DPH6: variants seen among roughly 807,000 people sequenced by gnomAD.
DPH6 encodes diphthamine biosynthesis 6.
A neutral mutation model predicts 38.2 loss-of-function variants in DPH6; 33 were observed. That is an observed-to-expected ratio of 0.86 (90% confidence interval 0.65 to 1.15). The LOEUF (loss-of-function observed/expected upper bound fraction) is 1.15. Ranked by LOEUF, DPH6 falls within the 50% of genes most tolerant of loss-of-function variation. DPH6 has a pLI of 0.00. For synonymous variants in DPH6, 108 were observed against 103.0 expected, an observed-to-expected ratio of 1.05 and a Z score of -0.30; for missense variants, 325 against 320.0, an observed-to-expected ratio of 1.02 and a Z score of -0.12.
downstream of DPH6, among the ~76,000 whole-genome samples, chr15:35,327,689 T>C (rs118167863): frequency 3.9e-5 from 6 of 152,296 alleles, no homozygotes; most frequent in East Asian, 7.7e-4. Context: ...CGTGTTCCAG[T>C]CCCATCTTTG....
intron 3 of DPH6, among the ~76,000 whole-genome samples, chr15:35,524,847 C>T (rs905151793): frequency 6.6e-6 from 1 of 152,024 alleles, no homozygotes; most frequent in Non-Finnish European, 1.5e-5. Context: ...TGATTTACAG[C>T]GTTCATGCAA....
intron 6 of DPH6, among the ~76,000 whole-genome samples, chr15:35,387,652 T>C (rs1440202278): frequency 2.0e-5 from 3 of 152,184 alleles, no homozygotes; most frequent in Non-Finnish European, 4.4e-5. Context: ...TTGTCTGTTA[T>C]TGGTGTATAA....
downstream of DPH6, among the ~76,000 whole-genome samples, chr15:35,367,580 T>C (rs762114427): frequency 1.3e-5 from 2 of 151,854 alleles, no homozygotes; most frequent in Non-Finnish European, 2.9e-5. Flanking sequence ...CCAAAGAAAT[T>C]TTAATATATT....
At chr15:35,262,738 A>G (rs1178793220) in intron 3 of DPH6, among the ~76,000 whole-genome samples, 1 of 137,878 alleles carries the variant, frequency 7.3e-6, no homozygotes, top group Non-Finnish European at 1.5e-5. Flanking sequence ...AAAAAAAAAG[A>G]TATCTTAATG....
rs189496638 is a variant in DPH6 at position 35,494,846 on chromosome 15, A to G, written c.313-40026T>C. ...CAATAAATGAGTTACCTCAATTTGGAAAAAGGGTTTATAAAAAGCCTACAG... is the reference window on the plus strand; with the variant it reads ...CAATAAATGAGTTACCTCAATTTGGGAAAAGGGTTTATAAAAAGCCTACAG... On this transcript the variant is annotated intron_variant, in intron 3 of 8. Coordinates refer to ENST00000256538, the MANE Select transcript of DPH6 (RefSeq NM_080650.4). Among the ~76,000 whole-genome samples, 33 of 152,186 alleles carry G rather than the reference A, an allele frequency of 2.2e-4. 1 individual carries two copies. The East Asian group carries it at 6.4e-3, about 29-fold the overall frequency.
chr15:35,167,550 C>A, the DPH6 span, among the ~76,000 whole-genome samples: 7 of 129,526 alleles, frequency 5.4e-5, no homozygotes, highest in Admixed American at 1.8e-4. Flanking sequence ...CTGTTCCATA[C>A]AGAGATTTTA....
chr15:35,163,285 T>G, the DPH6 span, among the ~76,000 whole-genome samples: 1 of 151,862 alleles, frequency 6.6e-6, no homozygotes, highest in African/African-American at 2.4e-5. Flanking sequence ...GCCATTTATC[T>G]TTCCCCCTCC....
intron 3 of DPH6, among the ~76,000 whole-genome samples, chr15:35,465,032 T>A (rs1223431703): frequency 1.3e-5 from 2 of 152,208 alleles, no homozygotes; most frequent in Non-Finnish European, 2.9e-5. Context: ...AATTAGACTG[T>A]TGACTCAATA....
intron 3 of DPH6, among the ~76,000 whole-genome samples, chr15:35,336,090 C>A (rs1475350722): frequency 6.6e-6 from 1 of 152,112 alleles, no homozygotes; most frequent in Non-Finnish European, 1.5e-5. Flanking sequence ...AGAGATTCTT[C>A]ACTTCCCTTG....
At chr15:35,344,720 T>C (rs2140882803) in intron 3 of DPH6, among the ~76,000 whole-genome samples, 3 of 152,058 alleles carry the variant, frequency 2.0e-5, no homozygotes, top group Middle Eastern at 6.8e-3. Context: ...ATACTCTGTC[T>C]AACTGAATAA....
At chr15:35,281,707 A>G (rs2051900604) in intron 3 of DPH6, among the ~76,000 whole-genome samples, 1 of 152,210 alleles carries the variant, frequency 6.6e-6, no homozygotes, top group South Asian at 2.1e-4. Flanking sequence ...TTCATTCCTA[A>G]AATATTTATT....
chr15:35,520,801 C>G (rs915721216), intron 3 of DPH6: 2 of 984,588 alleles, frequency 2.0e-6, no homozygotes, highest in African/African-American at 3.5e-5. Context: ...ATCATACCAC[C>G]ATATCACATA....
intron 3 of DPH6, among the ~76,000 whole-genome samples, chr15:35,513,165 C>T (rs1190363467): frequency 6.6e-6 from 1 of 152,010 alleles, no homozygotes; most frequent in Non-Finnish European, 1.5e-5. Flanking sequence ...AATATATGTG[C>T]ATGTATAAAA....
chr15:35,320,720 C>A (rs964020301), intron 3 of DPH6, among the ~76,000 whole-genome samples: 2 of 152,138 alleles, frequency 1.3e-5, no homozygotes, highest in Non-Finnish European at 2.9e-5. Flanking sequence ...TGGCCATCCA[C>A]CTTATCCTAT....
chr15:35,446,641 G>A (rs1269628318), intron 5 of DPH6, among the ~76,000 whole-genome samples: 1 of 152,136 alleles, frequency 6.6e-6, no homozygotes, highest in African/African-American at 2.4e-5. Flanking sequence ...TTTTGGTAAG[G>A]CTTCTGGTCA....
At chr15:35,210,355 G>T in the DPH6 span, among the ~76,000 whole-genome samples, 1 of 152,094 alleles carries the variant, frequency 6.6e-6, no homozygotes, top group African/African-American at 2.4e-5. Context: ...CCAGAGCAGG[G>T]AATCAAGAAA....
At chr15:35,160,076 G>T in the DPH6 span, among the ~76,000 whole-genome samples, 1 of 151,988 alleles carries the variant, frequency 6.6e-6, no homozygotes, top group East Asian at 1.9e-4. Context: ...GGATTGAAAA[G>T]CTACCTATCG....
chr15:35,282,596 A>G (rs2051906361), intron 3 of DPH6: 1 of 368,534 alleles, frequency 2.7e-6, no homozygotes, highest in Non-Finnish European at 5.6e-6. Context: ...ATGCTCCAGA[A>G]TGGGAGATGA....
chr15:35,286,773 T>C (rs2051946723), intron 3 of DPH6, among the ~76,000 whole-genome samples: 2 of 152,214 alleles, frequency 1.3e-5, no homozygotes, highest in Non-Finnish European at 2.9e-5. Context: ...GAAAAAGTTT[T>C]TCTTTTTTAA....
Sources: gnomAD v4.1 joint callset for allele counts (sites outside exome capture counted in the v4.1 genomes callset) on GRCh38, gnomAD v4.1.1 for gene constraint, MANE v1.5 for transcripts, NCBI Gene and HGNC (gene_info 2026-07-23, HGNC 2026-07-21) for gene names.